KCNT1: variants seen among roughly 807,000 people sequenced by gnomAD.
KCNT1 encodes the protein potassium sodium-activated channel subfamily T member 1.
In KCNT1, 78 loss-of-function variants were observed where a neutral mutation model predicts 147.8. That is an observed-to-expected ratio of 0.53 (90% CI 0.44 to 0.64). The LOEUF is 0.64. KCNT1 is among the 30% of genes least tolerant of loss of function. KCNT1 has a pLI of 0.00. For missense variants in KCNT1, 1,419 were observed against 1,750.3 expected, an observed-to-expected ratio of 0.81 and a Z score of 3.38; for synonymous variants, 867 against 748.8, an observed-to-expected ratio of 1.16 and a Z score of -2.58.
At chr9:135,780,545 G>A (rs757483586) in intron 24 of KCNT1, among the ~76,000 whole-genome samples, 1 of 152,226 alleles carries the variant, frequency 6.6e-6, no homozygotes, top group Non-Finnish European at 1.5e-5. Flanking sequence ...AGAAGCGAGA[G>A]GAGGCCGGGC....
chr9:135,786,527 G>A lies in KCNT1; in HGVS notation c.3502+6G>A. ...GCTGCCCACCACCGGCTACGGTAAG[G>A]GCACACGGCGCGGGTGGGGGCCGGA... is the stretch of plus-strand genomic sequence containing the variant. On this transcript the variant is annotated splice_donor_region_variant and intron_variant, in intron 29 of 30. Coordinates refer to ENST00000371757, the MANE Select transcript of KCNT1 (RefSeq NM_020822.3). 1.3e-6 allele frequency: 2 copies of A among 1,582,292 alleles called. No homozygotes were observed. The highest frequency in any genetic ancestry group is 1.7e-6 in the Non-Finnish European group (2 of 1,168,442).
At chr9:135,710,210 T>C (rs1278723585) in intron 1 of KCNT1, among the ~76,000 whole-genome samples, 2 of 152,122 alleles carry the variant, frequency 1.3e-5, no homozygotes, top group Non-Finnish European at 2.9e-5. Context: ...TAAAAGGCCT[T>C]CTCAGCTCTG....
chr9:135,770,030 C>T lies in KCNT1; in HGVS notation c.1594C>T (p.Leu532=). The T allele has an allele frequency of 6.4e-7, 1 of 1,553,450 alleles. No individual in the cohort carries two copies. Reference sequence around the variant, plus strand: ...CCCGGCGACCTCCACCCTCATCACCCTGCTGGTGCACACGTCCCGCGGCCA... The same window carrying T: ...CCCGGCGACCTCCACCCTCATCACCTTGCTGGTGCACACGTCCCGCGGCCA... ...ICPATSTLIT[L]LVHTSRGQEG... is the part of the protein sequence containing the mutation. Residue 532 remains leucine, a synonymous_variant, in exon 16 of 31, where the codon CTG becomes TTG. Transcript: ENST00000371757.
chr9:135,779,333 C>T (rs761922428), intron 23 of KCNT1, 26 bp from the exon 24 acceptor site: 46 of 1,500,322 alleles, frequency 3.1e-5, no homozygotes, highest in Non-Finnish European at 3.4e-5. Flanking sequence ...CCATGGGCCC[C>T]GCCCTGAGCC....
chr9:135,776,083 G>A (rs937667066), intron 20 of KCNT1, among the ~76,000 whole-genome samples: 13 of 151,998 alleles, frequency 8.6e-5, no homozygotes, highest in Non-Finnish European at 1.6e-4. Context: ...GGTCACTGGC[G>A]ATGTTTACTT....
chr9:135,768,626 G>A lies in KCNT1; in HGVS notation c.1354G>A (p.Ala452Thr). ...LMRAKMDNGE[A>T]CFILSSRNEV... ...GCATTGCAGGATGGACAATGGGGAGGCCTGCTTCATCCTCAGCAGCAGGAA... is the reference window on the plus strand; with the variant it reads ...GCATTGCAGGATGGACAATGGGGAGACCTGCTTCATCCTCAGCAGCAGGAA... The change falls in exon 14 of 31, where the codon GCC becomes ACC. Residue 452 changes from alanine (A) to threonine (T), a missense_variant. Around this residue, in one of 5 missense-constraint regions of KCNT1, gnomAD observed 401 missense variants for 610.6 expected, o/e 0.66. Transcript: ENST00000371757. 6.4e-7 allele frequency: 1 copy of A among 1,550,460 alleles called. No individual in the cohort carries two copies. The highest frequency in any genetic ancestry group is 1.2e-5 in the South Asian group (1 of 84,040).
chr9:135,794,907 C>T lies in KCNT1; in HGVS notation c.*2746C>T, dbSNP rs1213850430. 1 of 152,236 alleles carries T rather than the reference C, an allele frequency of 6.6e-6. No homozygotes were observed. The highest frequency in any genetic ancestry group is 1.5e-5 in the Non-Finnish European group (1 of 68,084). The allele number at this position is 152,236 out of a possible 1,614,324, so 9.4% of individuals were successfully genotyped here. On this transcript the variant is annotated 3_prime_UTR_variant, in exon 31 of 31. Coordinates refer to ENST00000371757, the MANE Select transcript of KCNT1 (RefSeq NM_020822.3). ...CCATCACTTCTCCCAGCCTCGTGTC[C>T]TGCTGACCCATAAAAGGTCCCCCTG...
chr9:135,750,209 G>C (rs760891466), intron 3 of KCNT1, 32 bp downstream of exon 3: 43 of 1,582,228 alleles, frequency 2.7e-5, no homozygotes, highest in Non-Finnish European at 3.7e-5. Context: ...CCACTCCCAG[G>C]CAGGGAGGTG....
In KCNT1 at chr9:135,757,242, C is replaced by G. The variant is rs1322006932; in HGVS notation, c.675+12C>G. 1.2e-6 allele frequency: 2 copies of G among 1,612,798 alleles called. No homozygotes were observed. The highest frequency in any genetic ancestry group is 1.7e-6 in the Non-Finnish European group (2 of 1,179,904). On this transcript the variant is annotated intron_variant, in intron 8 of 30. Transcript: ENST00000371757. ...CCTTCATCATCACGGTGGGTGAGCC[C>G]CAGCTGCCAGGAGTGCGGGCCCTGG...
At chr9:135,702,906 C>G (rs573519904) in intron 1 of KCNT1, 3 of 155,118 alleles carry the variant, frequency 1.9e-5, no homozygotes, top group African/African-American at 2.4e-5. Context: ...GTCCTGGGTT[C>G]TGGTCACTCC....
Position 135,730,990 on chromosome 9 carries a change from T to TAAAAAAAA in KCNT1, c.254+16286_254+16293dup, listed in dbSNP as rs56307359. 9.3e-5 allele frequency among the ~76,000 whole-genome samples: 8 copies of TAAAAAAAA among 85,570 alleles called. No homozygotes were observed. Among genetic ancestry groups the TAAAAAAAA allele is most frequent in the East Asian group, 3.3e-4 (1 of 3,048 alleles). 56.1% of individuals were successfully genotyped at this position (85,570 alleles called of 152,430 possible). ...AACAAAGTGAGATCCCGTCTCAAGG[T>TAAAAAAAA]AAAAAAAAAAAAAAAAAAAAAAAGT... is the stretch of plus-strand genomic sequence containing the variant. On this transcript the variant is annotated intron_variant, in intron 2 of 30. Transcript: ENST00000371757. The surrounding 1 kb of genome is among the most constrained non-coding windows in gnomAD (Gnocchi z 4.7).
In KCNT1 at chr9:135,768,351, G is replaced by GA. The variant is rs1439780023; in HGVS notation, c.1338-259_1338-258insA. The GA allele has an allele frequency of 2.3e-5, 5 of 218,298 alleles. 1 individual carries two copies. In the East Asian group the frequency reaches 3.9e-4, roughly 17 times the overall value. The allele number at this position is 218,298 out of a possible 1,614,324, so 13.5% of individuals were successfully genotyped here. ...GGACACTGTGATGTGGGTTGGGGGG[G>GA]GGGGGGGCAGTATGGGGATGCCCAC... On this transcript the variant is annotated intron_variant, in intron 13 of 30. Coordinates refer to ENST00000371757, the MANE Select transcript of KCNT1 (RefSeq NM_020822.3).
chr9:135,732,030 A>AGAGAGG (rs1564328353), intron 2 of KCNT1, among the ~76,000 whole-genome samples: 20 of 134,368 alleles, frequency 1.5e-4, no homozygotes, highest in Non-Finnish European at 2.6e-4. Context: ...AGAGAGAGAG[A>AGAGAGG]GAGAGAGAGA....
chr9:135,751,234 T>C (rs1831145829), intron 4 of KCNT1, among the ~76,000 whole-genome samples, 193 bp downstream of exon 4: 2 of 151,958 alleles, frequency 1.3e-5, no homozygotes, highest in Admixed American at 6.6e-5. Context: ...CGCAGACGGC[T>C]CAGCGTAGGG....
At chr9:135,716,660 G>A (rs983688265) in intron 2 of KCNT1, among the ~76,000 whole-genome samples, 8 of 152,172 alleles carry the variant, frequency 5.3e-5, no homozygotes, top group African/African-American at 1.4e-4. Context: ...TTGGCGTGCT[G>A]TGCCCACTGG....
chr9:135,765,486 T>A, intron 12 of KCNT1, 138 bp from the exon 13 acceptor site: 1 of 1,035,426 alleles, frequency 9.7e-7, no homozygotes. Context: ...GGGCCCCTCT[T>A]TTCCCTCCCA....
At chr9:135,789,306 CGGTGCCGGGGTTCT>C (rs1275167304) in intron 29 of KCNT1, 1 of 152,274 alleles carries the variant, frequency 6.6e-6, no homozygotes, top group Admixed American at 6.5e-5. Context: ...GGGAGGGTGA[CGGTGCCGGGGTTCT>C]GGGGCTGGGG....
chr9:135,784,383 C>T (rs982456749), intron 25 of KCNT1, 152 bp from the exon 26 acceptor site: 7 of 666,598 alleles, frequency 1.1e-5, no homozygotes, highest in Non-Finnish European at 1.9e-5. Context: ...GCTTGGGGAC[C>T]TGGTGGTTCT....
chr9:135,723,245 G>A (rs1314767073), intron 2 of KCNT1, among the ~76,000 whole-genome samples: 1 of 152,254 alleles, frequency 6.6e-6, no homozygotes, highest in Non-Finnish European at 1.5e-5. Flanking sequence ...CAGGGTGGGT[G>A]AGCTGTCCCG....
Sources: gnomAD v4.1 joint callset for allele counts (sites outside exome capture counted in the v4.1 genomes callset) on GRCh38, gnomAD v4.1.1 for gene constraint, gnomAD v4.1.1 regional missense constraint, Gnocchi (gnomAD v3.1) non-coding constraint, MANE v1.5 for transcripts, NCBI Gene and HGNC (gene_info 2026-07-23, HGNC 2026-07-21) for gene names.